The following CYB5RL variants were observed in gnomAD, a reference collection of about 807,000 sequenced individuals.
CYB5RL encodes NADH-cytochrome b5 reductase-like.
CYB5RL carries 38 observed loss-of-function variants against 37.5 expected under a neutral mutation model. The ratio of observed to expected loss-of-function variants is 1.01; its 90% CI spans 0.78 to 1.33. The LOEUF is 1.33. CYB5RL is among the 40% of genes most tolerant of loss of function. CYB5RL has a pLI of 0.00. For missense variants in CYB5RL, 388 were observed against 394.4 expected, an observed-to-expected ratio of 0.98 and a Z score of 0.14; for synonymous variants, 141 against 151.9, an observed-to-expected ratio of 0.93 and a Z score of 0.53.
At chr1:54,197,213 TGA>T (rs1245317174) in intron 1 of CYB5RL, among the ~76,000 whole-genome samples, 1 of 151,964 alleles carries the variant, frequency 6.6e-6, no homozygotes, top group Non-Finnish European at 1.5e-5. Context: ...CAGGTGCAGG[TGA>T]AGGCCTGCCT....
Position 54,179,134 on chromosome 1 carries a change from C to T in CYB5RL, c.744+15G>A. 2 of 1,608,210 alleles carry T rather than the reference C, an allele frequency of 1.2e-6. No individual in the cohort carries two copies. Among genetic ancestry groups the T allele is most frequent in the Non-Finnish European group, 8.5e-7 (1 of 1,177,550 alleles). On this transcript the variant is annotated intron_variant, in intron 7 of 7. Coordinates refer to ENST00000534324, the MANE Select transcript of CYB5RL (RefSeq NM_001031672.4). Reference sequence around the variant, plus strand: ...GAGTCTCAATCAAAAAAGAAAGTCACCACCCTGGGCTCACCTGGCTGAGTA... The same window carrying T: ...GAGTCTCAATCAAAAAAGAAAGTCATCACCCTGGGCTCACCTGGCTGAGTA...
intron 1 of CYB5RL, among the ~76,000 whole-genome samples, chr1:54,197,429 T>C (rs1202792144): frequency 6.6e-6 from 1 of 151,332 alleles, no homozygotes; most frequent in African/African-American, 2.4e-5. Context: ...GCTCAAGTGA[T>C]TCTCCTGCTT....
At chr1:54,197,525 G>A (rs1644019412) in intron 1 of CYB5RL, among the ~76,000 whole-genome samples, 1 of 151,948 alleles carries the variant, frequency 6.6e-6, no homozygotes, top group African/African-American at 2.4e-5. Context: ...GTCCTCCTGT[G>A]GGGACCTCTG....
chr1:54,180,065 C>T (rs905512631), intron 6 of CYB5RL: 5 of 449,472 alleles, frequency 1.1e-5, no homozygotes, highest in South Asian at 4.7e-5. Flanking sequence ...GGCAAAACTC[C>T]GTCTCTACTA....
intron 4 of CYB5RL, 103 bp from the exon 5 acceptor site, chr1:54,187,842 G>A (rs1384255275): frequency 1.1e-5 from 10 of 933,796 alleles, no homozygotes; most frequent in African/African-American, 6.5e-5. Context: ...TTGGGAGGCC[G>A]AGGTGGGCTG....
At chr1:54,178,865 T>G (rs1387243523) in intron 7 of CYB5RL, among the ~76,000 whole-genome samples, 6 of 152,136 alleles carry the variant, frequency 3.9e-5, no homozygotes. Flanking sequence ...ACGCATGGGG[T>G]GAGAGCCAGA....
chr1:54,194,226 C>T (rs968113948), intron 3 of CYB5RL, among the ~76,000 whole-genome samples: 15 of 151,480 alleles, frequency 9.9e-5, no homozygotes, highest in African/African-American at 2.9e-4. Context: ...TAAAATTAGT[C>T]AGGTGTGGTG....
rs752188035 is a variant in CYB5RL, at chr1:54,174,744, C to A, written c.823G>T (p.Glu275Ter). The change falls in exon 8 of 8, where the codon GAG becomes TAG. Residue 275 changes from glutamate to a stop codon, truncating the protein, a stop_gained. Transcript: ENST00000534324. LOFTEE classifies it high-confidence loss of function. ...FGHLGQDLIK[E>*]LVSCCRRKPF... ...TTTCTCCGACAGCAGCTGACCAGCT[C>A]TTTAATTAGGTCCTGGCCCAGGTGG... is the stretch of plus-strand genomic sequence containing the variant. 1.2e-6 allele frequency: 2 copies of A among 1,614,024 alleles called. No homozygotes were observed. The highest frequency in any genetic ancestry group is 2.2e-5 in the South Asian group (2 of 91,078).
chr1:54,199,228 A>G (rs1431780499), intron 1 of CYB5RL, among the ~76,000 whole-genome samples: 4 of 152,150 alleles, frequency 2.6e-5, no homozygotes, highest in African/African-American at 9.7e-5. Flanking sequence ...TTATACACGC[A>G]TTCACTAAAC....
At chr1:54,197,240 C>A (rs975812641) in intron 1 of CYB5RL, among the ~76,000 whole-genome samples, 2 of 151,982 alleles carry the variant, frequency 1.3e-5, no homozygotes, top group Non-Finnish European at 2.9e-5. Flanking sequence ...TCACTCCCTC[C>A]TGTGAGCACT....
chr1:54,191,797 C>T (rs1011851315), intron 3 of CYB5RL, among the ~76,000 whole-genome samples: 10 of 152,206 alleles, frequency 6.6e-5, no homozygotes, highest in Non-Finnish European at 1.2e-4. Context: ...CCAGGATGAC[C>T]TCTTCATCAT....
chr1:54,188,486 G>A (rs910508902), intron 4 of CYB5RL, among the ~76,000 whole-genome samples: 5 of 152,164 alleles, frequency 3.3e-5, no homozygotes, highest in African/African-American at 9.7e-5. Context: ...ATCCTCAAAG[G>A]GCCCTGGTCT....
rs1182925221 is a variant in CYB5RL at position 54,175,691 on chromosome 1, T to C, written c.745-869A>G. On this transcript the variant is annotated intron_variant, in intron 7 of 7. Transcript: ENST00000534324. ...GATTGAAAATATTTTTTAAAAAACA[T>C]TAAAAAATAACAATATAGCAATAGA... is the stretch of plus-strand genomic sequence containing the variant. The C allele has an allele frequency of 1.1e-5, 5 of 439,768 alleles. No individual in the cohort carries two copies. In the East Asian group the frequency reaches 3.5e-4, roughly 31 times the overall value. The allele number at this position is 439,768 out of a possible 1,614,324, so 27.2% of individuals were successfully genotyped here.
At chr1:54,182,957 T>C (rs1442421068) in intron 6 of CYB5RL, among the ~76,000 whole-genome samples, 1 of 152,248 alleles carries the variant, frequency 6.6e-6, no homozygotes, top group African/African-American at 2.4e-5. Context: ...CATAAAGTAA[T>C]AGGTGTTCGC....
chr1:54,169,974 A>G lies in CYB5RL; in HGVS notation c.*4645T>C, dbSNP rs747654500. ...ATCTCACTGTAGCTATCCTTTCACA[A>G]TGTACATTTCACTTAGTTATTATGT... On this transcript the variant is annotated 3_prime_UTR_variant, in exon 8 of 8. Transcript: ENST00000534324. 1 of 152,192 alleles carries G rather than the reference A, an allele frequency of 6.6e-6. No homozygotes were observed. The highest frequency in any genetic ancestry group is 2.4e-5 in the African/African-American group (1 of 41,442). 9.4% of individuals were successfully genotyped at this position (152,192 alleles called of 1,614,324 possible).
chr1:54,179,074 G>C, intron 7 of CYB5RL, 75 bp downstream of exon 7: 1 of 1,518,312 alleles, frequency 6.6e-7, no homozygotes, highest in Middle Eastern at 1.7e-4. Context: ...AAAGAGGCTA[G>C]AGCTGGTCCT....
intron 1 of CYB5RL, among the ~76,000 whole-genome samples, chr1:54,197,683 CT>C (rs2100490139): frequency 6.6e-6 from 1 of 152,164 alleles, no homozygotes; most frequent in South Asian, 2.1e-4. Context: ...TTTTCTCACT[CT>C]CAGTTGTTAG....
intron 4 of CYB5RL, among the ~76,000 whole-genome samples, chr1:54,190,125 T>G (rs144124037): frequency 6.6e-6 from 1 of 151,890 alleles, no homozygotes; most frequent in South Asian, 2.1e-4. Flanking sequence ...TCCCAAAGGG[T>G]CTTGTCTCTG....
rs3820111 is a variant in CYB5RL at position 54,195,399 on chromosome 1, C to G, written c.198+20G>C. ...TAGATTGTTGCCCTGGTGCTCATATCGAGAAGCAGCCTCTCTCACCTGTGA... is the reference window on the plus strand; with the variant it reads ...TAGATTGTTGCCCTGGTGCTCATATGGAGAAGCAGCCTCTCTCACCTGTGA... On this transcript the variant is annotated intron_variant, in intron 3 of 7. Transcript: ENST00000534324. 75 of 1,553,422 alleles carry G rather than the reference C, an allele frequency of 4.8e-5. No individual in the cohort carries two copies. The East Asian group carries it at 9.1e-4, about 19-fold the overall frequency.
Sources: allele counts gnomAD v4.1 joint callset (sites outside exome capture counted in the v4.1 genomes callset), GRCh38; gene constraint gnomAD v4.1.1; transcripts MANE v1.5; gene names NCBI Gene and HGNC (gene_info 2026-07-23, HGNC 2026-07-21).